CEP128: variants seen among roughly 807,000 people sequenced by gnomAD.
CEP128 encodes the protein centrosomal protein 128kDa.
Under a neutral mutation model 156.7 loss-of-function variants are expected in CEP128, and 132 were observed. The observed-to-expected ratio is 0.84, with a 90% confidence interval of 0.73 to 0.97. The LOEUF is 0.97. Ranked by LOEUF, CEP128 falls within the 50% of genes least tolerant of loss-of-function variation. The pLI is 0.00. For synonymous variants in CEP128, 469 were observed against 448.9 expected, an observed-to-expected ratio of 1.04 and a Z score of -0.57; for missense variants, 1,252 against 1,281.9, an observed-to-expected ratio of 0.98 and a Z score of 0.36.
At chr14:80,944,690 C>T (rs1392276502), upstream of CEP128, among the ~76,000 whole-genome samples, 1 of 151,564 alleles carries the variant, frequency 6.6e-6, no homozygotes, top group African/African-American at 2.4e-5. Flanking sequence ...GGTGTGGCGG[C>T]GGGTGCCTGT....
chr14:80,634,055 G>A (rs1474752295), intron 19 of CEP128, among the ~76,000 whole-genome samples: 1 of 152,208 alleles, frequency 6.6e-6, no homozygotes, highest in Admixed American at 6.5e-5. Context: ...ATATGAAGGA[G>A]ATGAGGCTAG....
intron 19 of CEP128, among the ~76,000 whole-genome samples, chr14:80,651,172 C>A (rs1377110327): frequency 1.3e-5 from 2 of 152,040 alleles, no homozygotes; most frequent in Non-Finnish European, 2.9e-5. Flanking sequence ...GGAACTTTTC[C>A]ATTTCTTCTA....
intron 19 of CEP128, among the ~76,000 whole-genome samples, chr14:80,581,434 T>C (rs764591880): frequency 2.0e-5 from 3 of 152,156 alleles, no homozygotes; most frequent in South Asian, 4.1e-4. Context: ...AACAGTCATA[T>C]AGTAGAGTGA....
chr14:80,486,940 A>G (rs1887179120), downstream of CEP128, among the ~76,000 whole-genome samples: 1 of 152,208 alleles, frequency 6.6e-6, no homozygotes, highest in Non-Finnish European at 1.5e-5. Flanking sequence ...TGTAAAGACC[A>G]TCAAGGCTAG....
chr14:80,493,738 A>G (rs1887401654), downstream of CEP128, among the ~76,000 whole-genome samples: 1 of 152,202 alleles, frequency 6.6e-6, no homozygotes, highest in South Asian at 2.1e-4. Context: ...TCAGCGGTCA[A>G]CAATAGGGGC....
intron 20 of CEP128, among the ~76,000 whole-genome samples, chr14:80,572,433 C>T (rs904518567): frequency 6.6e-6 from 1 of 152,150 alleles, no homozygotes; most frequent in Non-Finnish European, 1.5e-5. Flanking sequence ...TTGCTTTTCA[C>T]AATTCTCATT....
intron 14 of CEP128, among the ~76,000 whole-genome samples, chr14:80,483,319 C>T (rs1014129571): frequency 6.6e-6 from 1 of 152,168 alleles, no homozygotes; most frequent in African/African-American, 2.4e-5. Context: ...TGTAGACTTG[C>T]ACAAACACAA....
intron 15 of CEP128, among the ~76,000 whole-genome samples, chr14:80,783,659 G>C (rs1294677712): frequency 2.6e-5 from 4 of 152,134 alleles, no homozygotes. Flanking sequence ...AACTCTAAAA[G>C]ATTACTATTC....
chr14:80,802,052 G>T (rs1883903273), intron 13 of CEP128, among the ~76,000 whole-genome samples: 1 of 151,944 alleles, frequency 6.6e-6, no homozygotes, highest in Admixed American at 6.6e-5. Flanking sequence ...TGCTGGTGAG[G>T]CTGTGGAGAT....
chr14:80,928,033 A>G (rs146721040), intron 2 of CEP128, among the ~76,000 whole-genome samples: 108 of 152,322 alleles, frequency 7.1e-4, no homozygotes, highest in African/African-American at 2.6e-3. Flanking sequence ...AGTCTTTGCC[A>G]TTGAAAGTAC....
intron 2 of CEP128, among the ~76,000 whole-genome samples, chr14:80,934,961 G>A (rs1230347743): frequency 6.6e-6 from 1 of 152,010 alleles, no homozygotes; most frequent in East Asian, 1.9e-4. Flanking sequence ...ACTAATTTCT[G>A]TACTAAGTGC....
intron 8 of CEP128, among the ~76,000 whole-genome samples, chr14:80,867,927 A>C (rs1887845563): frequency 6.6e-6 from 1 of 152,202 alleles, no homozygotes; most frequent in South Asian, 2.1e-4. Flanking sequence ...AATTCTCAAA[A>C]GGCAAAAACA....
chr14:80,680,896 C>T (rs1280994499), intron 19 of CEP128, among the ~76,000 whole-genome samples: 1 of 152,130 alleles, frequency 6.6e-6, no homozygotes, highest in African/African-American at 2.4e-5. Flanking sequence ...CCAACAACCC[C>T]CACCAGTGCT....
intron 14 of CEP128, among the ~76,000 whole-genome samples, chr14:80,791,698 C>A (rs1252302413): frequency 6.6e-6 from 1 of 152,108 alleles, no homozygotes; most frequent in Non-Finnish European, 1.5e-5. Context: ...CAACCAGCCA[C>A]CCAGTATGTG....
chr14:80,572,728 C>G (rs1376310548), intron 20 of CEP128, among the ~76,000 whole-genome samples: 1 of 152,086 alleles, frequency 6.6e-6, no homozygotes, highest in Non-Finnish European at 1.5e-5. Flanking sequence ...AAAACATACA[C>G]TGCTATCTAC....
intron 19 of CEP128, among the ~76,000 whole-genome samples, chr14:80,736,531 C>G (rs993758342): frequency 6.6e-6 from 1 of 152,100 alleles, no homozygotes; most frequent in East Asian, 1.9e-4. Context: ...CACACACACA[C>G]ACACACTGTC....
At chr14:80,575,443 A>G (rs557657710) in intron 20 of CEP128, among the ~76,000 whole-genome samples, 1 of 152,158 alleles carries the variant, frequency 6.6e-6, no homozygotes, top group African/African-American at 2.4e-5. Flanking sequence ...CAAAGACATA[A>G]TACTACTTTC....
At chr14:80,777,069 A>G (rs1252679498) in intron 16 of CEP128, among the ~76,000 whole-genome samples, 1 of 152,228 alleles carries the variant, frequency 6.6e-6, no homozygotes, top group Admixed American at 6.5e-5. Context: ...TACCTACCAC[A>G]TAAGTGAACA....
chr14:80,856,156 T>C (rs1369443459), intron 9 of CEP128, among the ~76,000 whole-genome samples: 1 of 152,232 alleles, frequency 6.6e-6, no homozygotes, highest in Non-Finnish European at 1.5e-5. Flanking sequence ...TAAAAGCCAC[T>C]GAGCTGAGCT....
Sources: allele counts gnomAD v4.1 joint callset (sites outside exome capture counted in the v4.1 genomes callset), GRCh38; gene constraint gnomAD v4.1.1; transcripts MANE v1.5; gene names NCBI Gene and HGNC (gene_info 2026-07-23, HGNC 2026-07-21).